Variants in APCDD1 observed in about 807,000 individuals in gnomAD.
The protein encoded by APCDD1 is APC down-regulated 1.
APCDD1 carries 15 observed loss-of-function variants against 38.1 expected under a neutral mutation model. The ratio of observed to expected loss-of-function variants is 0.39; its 90% CI spans 0.26 to 0.61. The LOEUF (loss-of-function observed/expected upper bound fraction) is 0.61, where lower values mean the gene tolerates loss of function less well. Ranked by LOEUF, APCDD1 falls within the 20% of genes least tolerant of loss-of-function variation. The pLI is 0.49. For missense variants in APCDD1, 647 were observed against 696.2 expected, an observed-to-expected ratio of 0.93 and a Z score of 0.79; for synonymous variants, 261 against 279.7, an observed-to-expected ratio of 0.93 and a Z score of 0.67.
intron 1 of APCDD1, among the ~76,000 whole-genome samples, chr18:10,456,456 T>C (rs1374622394): frequency 2.6e-5 from 4 of 152,022 alleles, no homozygotes; most frequent in African/African-American, 4.8e-5. Context: ...ACAGGAAACA[T>C]TGTCCCCCTT....
rs561727777 is a variant in APCDD1, at chr18:10,454,791, G to A, written c.-191G>A. ...CGGGCCGGGGCGCCCACAGCCGCCC[G>A]ACGGCGCCCAGAGAGCGCGCGCCCC... On this transcript the variant is annotated 5_prime_UTR_variant, in exon 1 of 5. Transcript: ENST00000355285. The A allele has an allele frequency of 3.1e-6, 3 of 980,982 alleles. No homozygotes were observed. Among genetic ancestry groups the A allele is most frequent in the Non-Finnish European group, 2.4e-6 (2 of 828,578 alleles). 60.8% of individuals were successfully genotyped at this position (980,982 alleles called of 1,614,324 possible).
rs141566079 is a variant in APCDD1 at position 10,487,932 on chromosome 18, G to A, written c.1439G>A (p.Ser480Asn). 10 of 1,613,518 alleles carry A rather than the reference G, an allele frequency of 6.2e-6. No homozygotes were observed. Among genetic ancestry groups the A allele is most frequent in the Non-Finnish European group, 8.5e-6 (10 of 1,179,852 alleles). Reference sequence around the variant, plus strand: ...AGGGCAGAGGACCTCGCAGAAGACAGTGGAAGCAGCCTGTATGGCCGGGCC... The same window carrying A: ...AGGGCAGAGGACCTCGCAGAAGACAATGGAAGCAGCCTGTATGGCCGGGCC... ...SPRAEDLAED[S>N]GSSLYGRAPG... The change falls in exon 5 of 5, where the codon AGT (serine) becomes AAT (asparagine). Residue 480 changes from serine (S) to asparagine (N), a missense_variant. Ser to Asn is a conservative substitution (Grantham distance 46). Transcript: ENST00000355285.
chr18:10,478,873 T>C (rs2031069801), intron 3 of APCDD1, among the ~76,000 whole-genome samples: 1 of 152,102 alleles, frequency 6.6e-6, no homozygotes, highest in African/African-American at 2.4e-5. Flanking sequence ...GCTCCTAGAA[T>C]CCCAGATAGG....
chr18:10,462,253 C>G (rs867506714), intron 1 of APCDD1, among the ~76,000 whole-genome samples: 1 of 152,056 alleles, frequency 6.6e-6, no homozygotes, highest in South Asian at 2.1e-4. Flanking sequence ...ATTATTAGTG[C>G]GGTCCTTGAA....
At chr18:10,461,870 G>C (rs1162952011) in intron 1 of APCDD1, among the ~76,000 whole-genome samples, 1 of 152,104 alleles carries the variant, frequency 6.6e-6, no homozygotes, top group East Asian at 1.9e-4. Context: ...GACATTATTT[G>C]TGTGTGTACT....
At position 10,488,182 on chromosome 18, in the gene APCDD1, C is replaced by T; in HGVS notation, c.*144C>T. ...TTTTTCTCCTCTCCCTCCCTCCCAG[C>T]CCCTGAGTCATGAACAGCAAGGAGT... On this transcript the variant is annotated 3_prime_UTR_variant, in exon 5 of 5. Coordinates refer to ENST00000355285, the MANE Select transcript of APCDD1 (RefSeq NM_153000.5). 9.6e-7 allele frequency: 1 copy of T among 1,041,812 alleles called. No individual in the cohort carries two copies. The highest frequency in any genetic ancestry group is 2.6e-5 in the East Asian group (1 of 38,646). 64.5% of individuals were successfully genotyped at this position (1,041,812 alleles called of 1,614,324 possible). A position where few individuals can be genotyped will look rare whatever the true frequency, so the allele number is the denominator to read the frequency against.
chr18:10,471,519 T>A lies in APCDD1; in HGVS notation c.243-11T>A. 3.7e-6 allele frequency: 6 copies of A among 1,614,246 alleles called. No homozygotes were observed. The highest frequency in any genetic ancestry group is 5.1e-6 in the Non-Finnish European group (6 of 1,180,046). On this transcript the variant is annotated splice_polypyrimidine_tract_variant and intron_variant, in intron 2 of 4. Coordinates refer to ENST00000355285, the MANE Select transcript of APCDD1 (RefSeq NM_153000.5). The surrounding 1 kb of genome is among the most constrained non-coding windows in gnomAD (Gnocchi z 5.5). ...CTTACAAAGGTCTCTTCTTCCCCTT[T>A]TCTTGCCCAGCTGTGAAGTAAGGTC...
At chr18:10,457,186 C>T (rs945166830) in intron 1 of APCDD1, among the ~76,000 whole-genome samples, 2 of 152,146 alleles carry the variant, frequency 1.3e-5, no homozygotes, top group Admixed American at 6.5e-5. Flanking sequence ...AATCATTGTT[C>T]AAGTTATAAA....
rs1265139532 is a variant in APCDD1 at position 10,467,597 on chromosome 18, A to G, written c.59-872A>G. 1.3e-5 allele frequency among the ~76,000 whole-genome samples: 2 copies of G among 152,232 alleles called. No individual in the cohort carries two copies. The highest frequency in any genetic ancestry group is 2.9e-5 in the Non-Finnish European group (2 of 68,048). ...GGCCAACCTGCATGACTCGTTCTGA[A>G]GATAAGTTTACTGCTAGTATGTCTT... On this transcript the variant is annotated intron_variant, in intron 1 of 4. Coordinates refer to ENST00000355285, the MANE Select transcript of APCDD1 (RefSeq NM_153000.5). The surrounding 1 kb of genome is among the most constrained non-coding windows in gnomAD (Gnocchi z 4.8).
chr18:10,480,912 AG>A (rs961185101), intron 3 of APCDD1, among the ~76,000 whole-genome samples: 4 of 151,638 alleles, frequency 2.6e-5, no homozygotes, highest in African/African-American at 9.7e-5. Context: ...GAAAAAAAAA[AG>A]GTAACTAGTC....
chr18:10,458,412 T>C lies in APCDD1; in HGVS notation c.58+3373T>C, dbSNP rs138314685. Among the ~76,000 whole-genome samples the C allele has an allele frequency of 1.2e-3, 189 of 152,348 alleles. 2 individuals are homozygous for C. The East Asian group carries it at 0.03, about 24-fold the overall frequency. On this transcript the variant is annotated intron_variant, in intron 1 of 4. Coordinates refer to ENST00000355285, the MANE Select transcript of APCDD1 (RefSeq NM_153000.5). ...TTATACAGGGTAAAATAGAAATCTT[T>C]GAAAAACTATTTTACTAAGGACAGT...
intron 3 of APCDD1, among the ~76,000 whole-genome samples, chr18:10,484,489 A>G (rs1255940196): frequency 6.6e-6 from 1 of 152,190 alleles, no homozygotes; most frequent in Non-Finnish European, 1.5e-5. Context: ...GTTCTGTGGC[A>G]CTGATCGCAT....
Position 10,487,794 on chromosome 18 carries a change from G to C in APCDD1, c.1301G>C (p.Arg434Pro). Residue 434 changes from arginine to proline, a missense_variant, in exon 5 of 5, where the codon CGC becomes CCC. Transcript: ENST00000355285. ...IFKMEQDARG[R>P]YLLFNGQRPS... The stretch of plus-strand genomic sequence containing the variant: ...AAAATGGAACAGGATGCCCGGGGGC[G>C]CTATCTGCTGTTCAACGGTCAGAGG... The C allele has an allele frequency of 1.2e-6, 2 of 1,614,118 alleles. No individual in the cohort carries two copies. The highest frequency in any genetic ancestry group is 1.7e-6 in the Non-Finnish European group (2 of 1,180,054).
Position 10,485,028 on chromosome 18 carries a change from C to G in APCDD1, c.775-434C>G, listed in dbSNP as rs2031218070. ...TTTTGAGGAACCACCTTACTGTTTT[C>G]CATAGTGGCTGGACCATTGTATATT... On this transcript the variant is annotated intron_variant, in intron 3 of 4. Coordinates refer to ENST00000355285, the MANE Select transcript of APCDD1 (RefSeq NM_153000.5). The surrounding 1 kb of genome is among the most constrained non-coding windows in gnomAD (Gnocchi z 5.8). Among the ~76,000 whole-genome samples the G allele has an allele frequency of 6.6e-6, 1 of 152,108 alleles. No homozygotes were observed. The highest frequency in any genetic ancestry group is 1.9e-4 in the East Asian group (1 of 5,188).
intron 3 of APCDD1, among the ~76,000 whole-genome samples, chr18:10,483,678 C>G (rs2031187909): frequency 6.6e-6 from 1 of 152,228 alleles, no homozygotes; most frequent in South Asian, 2.1e-4. Context: ...TGTGTGCCTG[C>G]CCAGTCAGTG....
At chr18:10,473,335 C>T (rs1350352201) in intron 3 of APCDD1, among the ~76,000 whole-genome samples, 2 of 152,152 alleles carry the variant, frequency 1.3e-5, no homozygotes, top group South Asian at 2.1e-4. Flanking sequence ...GCTGTGTCCC[C>T]GCGTGTGAGA....
At chr18:10,465,794 A>G (rs1388557468) in intron 1 of APCDD1, among the ~76,000 whole-genome samples, 3 of 152,178 alleles carry the variant, frequency 2.0e-5, no homozygotes, top group African/African-American at 7.2e-5. Context: ...GCATCATATC[A>G]TTGTGTAAAT....
chr18:10,458,821 T>C (rs1568000491), intron 1 of APCDD1, among the ~76,000 whole-genome samples: 1 of 152,208 alleles, frequency 6.6e-6, no homozygotes, highest in Non-Finnish European at 1.5e-5. Flanking sequence ...CAGCAAGGCA[T>C]GTCTTCAGTA....
At position 10,489,822 on chromosome 18, in the gene APCDD1, G is replaced by A. The variant is rs1424121776; in HGVS notation, c.*1784G>A. The A allele has an allele frequency of 6.6e-6, 1 of 152,064 alleles. No homozygotes were observed. The highest frequency in any genetic ancestry group is 1.9e-4 in the East Asian group (1 of 5,192). The allele number at this position is 152,064 out of a possible 1,614,324, so 9.4% of individuals were successfully genotyped here. ...TTAAGTTGTGGTGCAGACTGAGGGG[G>A]CTTATTCAAAATGAAAATACTAACT... is the stretch of plus-strand genomic sequence containing the variant. On this transcript the variant is annotated 3_prime_UTR_variant, in exon 5 of 5. Coordinates refer to ENST00000355285, the MANE Select transcript of APCDD1 (RefSeq NM_153000.5).
Sources: allele counts gnomAD v4.1 joint callset (sites outside exome capture counted in the v4.1 genomes callset), GRCh38; gene constraint gnomAD v4.1.1; non-coding constraint Gnocchi (gnomAD v3.1); transcripts MANE v1.5; gene names NCBI Gene and HGNC (gene_info 2026-07-23, HGNC 2026-07-21).